Variants in SCFD1 observed in about 807,000 individuals in gnomAD.
SCFD1 encodes sec1 family domain-containing protein 1.
Under a neutral mutation model 103.2 loss-of-function variants are expected in SCFD1, and 37 were observed. The ratio of observed to expected loss-of-function variants is 0.36; its 90% CI spans 0.28 to 0.47. SCFD1 has a LOEUF of 0.47. SCFD1 is among the 20% of genes least tolerant of loss of function. SCFD1 has a pLI of 1.00. For missense variants in SCFD1, 639 were observed against 761.2 expected, an observed-to-expected ratio of 0.84 and a Z score of 1.89; for synonymous variants, 264 against 245.0, an observed-to-expected ratio of 1.08 and a Z score of -0.73.
intron 19 of SCFD1, 60 bp from the exon 20 acceptor site, chr14:30,715,864 T>C: frequency 2.2e-6 from 2 of 910,962 alleles, no homozygotes; most frequent in Non-Finnish European, 3.5e-6. Flanking sequence ...GATCAGGTTG[T>C]TTTAATAGAG....
intron 14 of SCFD1, among the ~76,000 whole-genome samples, chr14:30,683,850 C>G (rs1889699844): frequency 6.6e-6 from 1 of 152,182 alleles, no homozygotes; most frequent in Admixed American, 6.5e-5. Flanking sequence ...TTATTCCCTT[C>G]TTGTCTTTCT....
At chr14:30,633,679 G>T (rs188986334) in intron 3 of SCFD1, among the ~76,000 whole-genome samples, 38 of 152,210 alleles carry the variant, frequency 2.5e-4, no homozygotes, top group Non-Finnish European at 5.0e-4. Context: ...GGAGAGTGTT[G>T]GTAGAAAAGA....
At chr14:30,625,214 G>T (rs781249206) in intron 1 of SCFD1, among the ~76,000 whole-genome samples, 13 of 139,252 alleles carry the variant, frequency 9.3e-5, no homozygotes, top group Non-Finnish European at 1.8e-4. Flanking sequence ...CTCATCAAAC[G>T]TGTTGAATGA....
chr14:30,721,776 A>C (rs942631557), intron 21 of SCFD1, 108 bp from the exon 22 acceptor site: 1 of 911,338 alleles, frequency 1.1e-6, no homozygotes, highest in African/African-American at 1.7e-5. Context: ...AAGGAGGTAG[A>C]ATTGTAAATA....
intron 4 of SCFD1, among the ~76,000 whole-genome samples, chr14:30,635,988 C>T (rs929813222): frequency 6.6e-6 from 1 of 152,030 alleles, no homozygotes; most frequent in Non-Finnish European, 1.5e-5. Flanking sequence ...TTTTGATTTG[C>T]ATTTCTGTAA....
At chr14:30,699,853 A>AAAAT (rs1890957588) in intron 15 of SCFD1, among the ~76,000 whole-genome samples, 1 of 152,176 alleles carries the variant, frequency 6.6e-6, no homozygotes, top group Non-Finnish European at 1.5e-5. Context: ...CCTCAAAAGT[A>AAAAT]TCCTGTTTCA....
At chr14:30,722,099 C>A (rs1032087606) in intron 22 of SCFD1, among the ~76,000 whole-genome samples, 182 bp downstream of exon 22, 2 of 152,002 alleles carry the variant, frequency 1.3e-5, no homozygotes, top group Admixed American at 6.6e-5. Context: ...TTAAAAATAA[C>A]GGACAATTCA....
chr14:30,675,918 T>C (rs1888995374), intron 14 of SCFD1, among the ~76,000 whole-genome samples: 1 of 152,218 alleles, frequency 6.6e-6, no homozygotes, highest in South Asian at 2.1e-4. Context: ...CCTGCATAAT[T>C]ACTATTACGC....
intron 10 of SCFD1, among the ~76,000 whole-genome samples, chr14:30,666,933 A>AG (rs1555352306): frequency 6.6e-6 from 1 of 152,082 alleles, no homozygotes; most frequent in Non-Finnish European, 1.5e-5. Context: ...CCAAAAAAAA[A>AG]GTCCAGGACC....
At chr14:30,650,533 G>C (rs765535044) in intron 8 of SCFD1, 32 bp from the exon 9 acceptor site, 1 of 1,252,196 alleles carries the variant, frequency 8.0e-7, no homozygotes. Flanking sequence ...ATATGAAACT[G>C]TTAAGAGTTA....
At chr14:30,733,499 C>T (rs548332603) in intron 23 of SCFD1, among the ~76,000 whole-genome samples, 10 of 152,250 alleles carry the variant, frequency 6.6e-5, no homozygotes, top group Non-Finnish European at 1.2e-4. Flanking sequence ...AAGCTTGGTC[C>T]AGGGTGGGGA....
intron 15 of SCFD1, among the ~76,000 whole-genome samples, chr14:30,699,945 A>T (rs539180714): frequency 2.0e-5 from 3 of 152,290 alleles, no homozygotes; most frequent in Admixed American, 6.5e-5. Context: ...ATTATACACA[A>T]TTTGGAAGAT....
intron 1 of SCFD1, among the ~76,000 whole-genome samples, chr14:30,627,985 A>T (rs1322948711): frequency 6.6e-6 from 1 of 152,186 alleles, no homozygotes; most frequent in Admixed American, 6.5e-5. Context: ...ATCTGTGGAC[A>T]GATGCTTATT....
In SCFD1 at chr14:30,639,848, G is replaced by T. The variant is rs1885091369; in HGVS notation, c.507G>T (p.Glu169Asp). 1 of 1,583,382 alleles carries T rather than the reference G, an allele frequency of 6.3e-7. No homozygotes were observed. The highest frequency in any genetic ancestry group is 1.4e-5 in the African/African-American group (1 of 73,624). The change falls in exon 6 of 25, where the codon GAG becomes GAT. Residue 169 changes from glutamate (E) to aspartate (D), a missense_variant. Glu to Asp is a conservative substitution (Grantham distance 45). Coordinates refer to ENST00000458591, the MANE Select transcript of SCFD1 (RefSeq NM_016106.4). ...TTGTATTATGTAATCAAAATAAGGA[G>T]CTTGTTTCATATCGTGGTATGTAAA... ...DMFVLCNQNKELVSYRAINRP... is the reference protein window; with the variant it reads ...DMFVLCNQNKDLVSYRAINRP...
chr14:30,684,662 A>G (rs545657136), intron 14 of SCFD1, among the ~76,000 whole-genome samples: 38 of 150,824 alleles, frequency 2.5e-4, no homozygotes, highest in Admixed American at 2.3e-3. Flanking sequence ...TGTTCATTAT[A>G]TATAATCTAT....
intron 19 of SCFD1, among the ~76,000 whole-genome samples, chr14:30,713,356 TA>T (rs1000070975): frequency 6.6e-6 from 1 of 151,898 alleles, no homozygotes; most frequent in Non-Finnish European, 1.5e-5. Flanking sequence ...TATTTGGTTG[TA>T]AAAACCAGAC....
chr14:30,697,449 A>G (rs891820917), intron 15 of SCFD1, among the ~76,000 whole-genome samples: 2 of 152,234 alleles, frequency 1.3e-5, no homozygotes, highest in Non-Finnish European at 2.9e-5. Flanking sequence ...ATTTCATAGG[A>G]TATTTATGCA....
At chr14:30,645,376 G>A (rs149463127) in intron 7 of SCFD1, among the ~76,000 whole-genome samples, 1 of 152,244 alleles carries the variant, frequency 6.6e-6, no homozygotes, top group East Asian at 1.9e-4. Flanking sequence ...GTGAAAACTG[G>A]CATTGGTAGT....
intron 7 of SCFD1, among the ~76,000 whole-genome samples, chr14:30,648,646 TCA>T (rs778735961): frequency 6.6e-6 from 1 of 152,188 alleles, no homozygotes; most frequent in Non-Finnish European, 1.5e-5. Flanking sequence ...GTGCAGAGGC[TCA>T]CACTTGTTAT....
Sources: gnomAD v4.1 joint callset for allele counts (sites outside exome capture counted in the v4.1 genomes callset) on GRCh38, gnomAD v4.1.1 for gene constraint, MANE v1.5 for transcripts, NCBI Gene and HGNC (gene_info 2026-07-23, HGNC 2026-07-21) for gene names.